Variants in SLCO1C1 observed in about 807,000 individuals in gnomAD.
SLCO1C1 encodes the protein solute carrier organic anion transporter family member 1C1, also known as OAT-RP-5.
SLCO1C1 carries 70 observed loss-of-function variants against 76.4 expected under a neutral mutation model. The ratio of observed to expected loss-of-function variants is 0.92; its 90% CI spans 0.76 to 1.12. The LOEUF (loss-of-function observed/expected upper bound fraction) is 1.12, where lower values mean the gene tolerates loss of function less well. Among genes scored for constraint, SLCO1C1 ranks in the 50% most tolerant of loss-of-function variants. SLCO1C1 has a pLI of 0.00. For synonymous variants in SLCO1C1, 306 were observed against 286.1 expected (o/e 1.07, Z -0.70); for missense variants, 912 against 823.8 (o/e 1.11, Z -1.31).
At chr12:20,741,655 T>A (rs926484725) in intron 12 of SLCO1C1, among the ~76,000 whole-genome samples, 1 of 152,162 alleles carries the variant, frequency 6.6e-6, no homozygotes, top group African/African-American at 2.4e-5. Flanking sequence ...CTCGAATTTT[T>A]TTTACTGATT....
Position 20,717,184 on chromosome 12 carries a change from C to T in SLCO1C1, c.729C>T (p.Gly243=), listed in dbSNP as rs1565514471. The T allele has an allele frequency of 1.2e-6, 2 of 1,600,958 alleles. No individual in the cohort carries two copies. Among genetic ancestry groups the T allele is most frequent in the Admixed American group, 1.7e-5 (1 of 57,236 alleles). Residue 243 remains glycine (G), a synonymous_variant, in exon 7 of 15, where the codon GGC becomes GGT. Coordinates refer to ENST00000266509, the MANE Select transcript of SLCO1C1 (RefSeq NM_017435.5). The part of the protein sequence containing the change: ...IIGPIFGFLL[G]SLCAKLYVDI... ...GACCAATCTTTGGTTTCCTGTTAGG[C>T]TCATTATGTGCCAAACTATATGTTG... is the stretch of plus-strand genomic sequence containing the variant.
intron 10 of SLCO1C1, among the ~76,000 whole-genome samples, chr12:20,733,761 T>A (rs1424329878): frequency 6.6e-6 from 1 of 152,148 alleles, no homozygotes; most frequent in Admixed American, 6.5e-5. Context: ...GGAGAATATT[T>A]AGTGATGCCT....
At chr12:20,725,340 T>C (rs1479512568) in intron 9 of SLCO1C1, among the ~76,000 whole-genome samples, 1 of 136,756 alleles carries the variant, frequency 7.3e-6, no homozygotes, top group Non-Finnish European at 1.6e-5. Flanking sequence ...TTATATGCTA[T>C]ATTAAAATTT....
rs200262785 is a variant in SLCO1C1, at chr12:20,723,104, C to G, written c.1036C>G (p.Leu346Val). 30 of 1,603,088 alleles carry G rather than the reference C, an allele frequency of 1.9e-5. No homozygotes were observed. The East Asian group carries it at 6.7e-4, about 36-fold the overall frequency. ...MEMARDFLPS[L>V]KNLFGNPVYF... Reference sequence around the variant, plus strand: ...TTGTTTTACAGATTTTCTTCCATCACTGAAGAATCTTTTTGGAAACCCAGT... The same window carrying G: ...TTGTTTTACAGATTTTCTTCCATCAGTGAAGAATCTTTTTGGAAACCCAGT... Residue 346 changes from leucine (L) to valine (V), a missense_variant, in exon 9 of 15, where the codon CTG becomes GTG. Leu to Val is a conservative substitution (Grantham distance 32). Transcript: ENST00000266509.
chr12:20,701,546 C>A, intron 3 of SLCO1C1, 87 bp downstream of exon 3: 1 of 979,696 alleles, frequency 1.0e-6, no homozygotes, highest in Non-Finnish European at 1.4e-6. Flanking sequence ...CTATTGTCTG[C>A]TGGGATCAGA....
Position 20,723,139 on chromosome 12 carries a change from A to T in SLCO1C1, c.1071A>T (p.Leu357=), listed in dbSNP as rs866538934. The part of the protein sequence containing the change: ...KNLFGNPVYF[L]YLCTSTVQFN... ...TTTTTGGAAACCCAGTATACTTCCT[A>T]TATTTATGTACAAGCACTGTTCAGT... Residue 357 remains leucine, a synonymous_variant, in exon 9 of 15, where the codon CTA becomes CTT. Transcript: ENST00000266509. 1.2e-6 allele frequency: 2 copies of T among 1,612,716 alleles called. No individual in the cohort carries two copies. The highest frequency in any genetic ancestry group is 1.7e-6 in the Non-Finnish European group (2 of 1,179,578).
At chr12:20,707,759 A>C (rs1333289388) in intron 4 of SLCO1C1, among the ~76,000 whole-genome samples, 1 of 152,162 alleles carries the variant, frequency 6.6e-6, no homozygotes, top group African/African-American at 2.4e-5. Flanking sequence ...TGCTGTATAC[A>C]GATGAATAAT....
intron 13 of SLCO1C1, 95 bp from the exon 14 acceptor site, chr12:20,750,580 C>T (rs1475691185): frequency 7.1e-6 from 8 of 1,131,156 alleles, no homozygotes; most frequent in South Asian, 2.8e-5. Flanking sequence ...ATCTCCAAAA[C>T]AGTAATTAGA....
At chr12:20,703,332 A>G (rs2120619933) in intron 3 of SLCO1C1, among the ~76,000 whole-genome samples, 1 of 152,044 alleles carries the variant, frequency 6.6e-6, no homozygotes, top group Non-Finnish European at 1.5e-5. Flanking sequence ...TTTCCATGGA[A>G]ACTGTAGAGT....
At chr12:20,738,806 G>T (rs759239124) in intron 11 of SLCO1C1, among the ~76,000 whole-genome samples, 21 of 152,178 alleles carry the variant, frequency 1.4e-4, no homozygotes, top group Middle Eastern at 3.4e-3. Context: ...ATTATTTTCA[G>T]TATTTTCTTC....
At chr12:20,725,247 AAATATGTATTTT>A (rs530274958) in intron 9 of SLCO1C1, among the ~76,000 whole-genome samples, 2,317 of 140,052 alleles carry the variant, frequency 0.017, 31 homozygotes, top group Admixed American at 0.038. Flanking sequence ...ATACAAATAA[AAATATGTATTTT>A]AATATGTATT....
At chr12:20,736,108 C>T (rs1471649527) in intron 10 of SLCO1C1, among the ~76,000 whole-genome samples, 1 of 151,394 alleles carries the variant, frequency 6.6e-6, no homozygotes, top group African/African-American at 2.4e-5. Flanking sequence ...AATGACATAC[C>T]ATTGCAAAAG....
intron 5 of SLCO1C1, 76 bp downstream of exon 5, chr12:20,711,586 G>T: frequency 2.7e-6 from 4 of 1,497,472 alleles, no homozygotes; most frequent in Non-Finnish European, 2.7e-6. Context: ...ATGGACAAAA[G>T]TGTCTATGAT....
chr12:20,741,060 G>A (rs1948797903), intron 12 of SLCO1C1, among the ~76,000 whole-genome samples: 1 of 151,952 alleles, frequency 6.6e-6, no homozygotes, highest in African/African-American at 2.4e-5. Flanking sequence ...AAACAAACAA[G>A]TCCTTCCTCA....
intron 7 of SLCO1C1, among the ~76,000 whole-genome samples, chr12:20,720,122 T>C (rs1309393677): frequency 6.6e-6 from 1 of 152,222 alleles, no homozygotes; most frequent in African/African-American, 2.4e-5. Context: ...AGAGATATGC[T>C]GAATGACAGC....
At chr12:20,738,886 A>G (rs569807956) in intron 11 of SLCO1C1, among the ~76,000 whole-genome samples, 2 of 152,206 alleles carry the variant, frequency 1.3e-5, no homozygotes, top group Non-Finnish European at 2.9e-5. Flanking sequence ...GACCAGAATT[A>G]AGATTCAAAG....
rs755279039 is a variant in SLCO1C1, at chr12:20,722,043, G to A, written c.1015G>A (p.Ala339Thr). The change falls in exon 8 of 15, where the codon GCA becomes ACA. Residue 339 changes from alanine (A) to threonine (T), a missense_variant. By Grantham distance (58) the Ala-to-Thr change is moderately conservative. Transcript: ENST00000266509. The stretch of plus-strand genomic sequence containing the variant: ...AGAAAATGCAAAAATAATGGAAATG[G>A]CAAGAGGTAAGTCAAATTCTTGATT... Reference protein sequence around the residue: ...QGENAKIMEMARDFLPSLKNL... With the variant: ...QGENAKIMEMTRDFLPSLKNL... 1.2e-6 allele frequency: 2 copies of A among 1,612,292 alleles called. No homozygotes were observed. Among genetic ancestry groups the A allele is most frequent in the Non-Finnish European group, 1.7e-6 (2 of 1,179,398 alleles).
chr12:20,749,710 T>A (rs1046784254), intron 13 of SLCO1C1, among the ~76,000 whole-genome samples: 1 of 152,184 alleles, frequency 6.6e-6, no homozygotes, highest in African/African-American at 2.4e-5. Flanking sequence ...CTACTAGGGT[T>A]TCTGGCATGA....
intron 9 of SLCO1C1, among the ~76,000 whole-genome samples, chr12:20,730,888 A>G (rs182808772): frequency 2.8e-4 from 43 of 152,286 alleles, no homozygotes; most frequent in African/African-American, 1.0e-3. Context: ...TCAGTGAAAC[A>G]GTGGGCCAGG....
Sources: gnomAD v4.1 joint callset for allele counts (sites outside exome capture counted in the v4.1 genomes callset) on GRCh38, gnomAD v4.1.1 for gene constraint, MANE v1.5 for transcripts, NCBI Gene and HGNC (gene_info 2026-07-23, HGNC 2026-07-21) for gene names.